Variants in CYRIB observed in about 807,000 individuals in gnomAD.
CYRIB encodes the protein CYFIP related Rac1 interactor B.
A neutral mutation model predicts 44.2 loss-of-function variants in CYRIB; 8 were observed. The observed-to-expected ratio is 0.18, with a 90% CI of 0.11 to 0.33. CYRIB has a LOEUF of 0.33. CYRIB is among the 10% of genes least tolerant of loss of function. The pLI is 1.00. For missense variants in CYRIB, 185 were observed against 382.8 expected (o/e 0.48, Z 4.31); for synonymous variants, 131 against 127.2 (o/e 1.03, Z -0.20).
chr8:129,870,667 G>A lies in CYRIB; in HGVS notation c.195+708C>T, dbSNP rs115580916. ...GACAATAATAAACAAAACAGAGGAT[G>A]GGAAGAATCAAGAAACACAGCACGG... On this transcript the variant is annotated intron_variant, in intron 4 of 11. Transcript: ENST00000519824. Among the ~76,000 whole-genome samples, 1,032 of 152,258 alleles carry A rather than the reference G, an allele frequency of 6.8e-3. 14 individuals carry two copies. Among genetic ancestry groups the A allele is most frequent in the African/African-American group, 0.024 (999 of 41,548 alleles).
upstream of CYRIB, among the ~76,000 whole-genome samples, chr8:129,941,971 G>C (rs192587421): frequency 2.0e-5 from 3 of 152,258 alleles, no homozygotes; most frequent in East Asian, 5.8e-4. Context: ...TTTCTCTATG[G>C]AGAGCAATAT....
At chr8:129,966,377 A>C (rs1251345656) in intron 2 of CYRIB, among the ~76,000 whole-genome samples, 1 of 152,178 alleles carries the variant, frequency 6.6e-6, no homozygotes, top group South Asian at 2.1e-4. Flanking sequence ...ACTAATTTTC[A>C]CTCTCATCAG....
chr8:129,926,736 G>C (rs943809072), intron 1 of CYRIB, among the ~76,000 whole-genome samples: 8 of 152,116 alleles, frequency 5.3e-5, no homozygotes, highest in African/African-American at 1.9e-4. Flanking sequence ...GAACAAAGGT[G>C]GCTATTTCTT....
In CYRIB at chr8:129,980,433, T is replaced by C. The variant is rs143453358; in HGVS notation, c.-295-9438A>G. 1.1e-3 allele frequency among the ~76,000 whole-genome samples: 170 copies of C among 152,230 alleles called. 1 individual carries two copies. The highest frequency in any genetic ancestry group is 3.9e-3 in the African/African-American group (160 of 41,558). ...CAATCATCTGTTTAAACCAATAACA[T>C]TAATTATTACTGTGTATTTTAATAC... On this transcript the variant is annotated intron_variant, in intron 1 of 14. Coordinates refer to the CYRIB transcript ENST00000401979.
intron 1 of CYRIB, among the ~76,000 whole-genome samples, chr8:129,923,736 T>C (rs2085373572): frequency 6.6e-6 from 1 of 152,024 alleles, no homozygotes; most frequent in South Asian, 2.1e-4. Flanking sequence ...ACCATTTATG[T>C]ACTAAACTCC....
intron 1 of CYRIB, among the ~76,000 whole-genome samples, chr8:130,006,804 T>C (rs1237224797): frequency 1.3e-5 from 2 of 149,674 alleles, no homozygotes; most frequent in East Asian, 3.9e-4. Flanking sequence ...AGGTCACATA[T>C]AGAAAATGGG....
At chr8:129,912,371 C>T (rs1018257415) in intron 1 of CYRIB, 3 of 152,144 alleles carry the variant, frequency 2.0e-5, no homozygotes, top group Admixed American at 1.3e-4. Flanking sequence ...TGCTTCACCA[C>T]TCCCCCAGTA....
rs544397366 is a variant in CYRIB, at chr8:130,015,190, C to T, written c.-296+1180G>A. 2.6e-5 allele frequency among the ~76,000 whole-genome samples: 4 copies of T among 152,246 alleles called. No homozygotes were observed. The South Asian group carries it at 8.3e-4, about 32-fold the overall frequency. On this transcript the variant is annotated intron_variant, in intron 1 of 14. Coordinates refer to the CYRIB transcript ENST00000401979. ...GATGGATGTTACAGGGCAAGGAAGC[C>T]AAAATGTGGAAGCACACCGACTCAC... is the stretch of plus-strand genomic sequence containing the variant.
intron 1 of CYRIB, among the ~76,000 whole-genome samples, chr8:129,938,597 T>C (rs1404769661): frequency 6.6e-6 from 1 of 152,194 alleles, no homozygotes; most frequent in East Asian, 1.9e-4. Flanking sequence ...ATTTCATCAG[T>C]ATTCCGCACA....
intron 1 of CYRIB, among the ~76,000 whole-genome samples, chr8:129,936,841 G>C (rs1403749894): frequency 6.6e-6 from 1 of 151,634 alleles, no homozygotes; most frequent in African/African-American, 2.4e-5. Context: ...TGAGTAGCTG[G>C]GACTACAGGC....
Position 130,011,633 on chromosome 8 carries a change from C to G in CYRIB, c.-296+4737G>C, listed in dbSNP as rs559660728. Among the ~76,000 whole-genome samples, 13 of 150,848 alleles carry G rather than the reference C, an allele frequency of 8.6e-5. No individual in the cohort carries two copies. In the Admixed American group the frequency reaches 8.6e-4, roughly 10 times the overall value. On this transcript the variant is annotated intron_variant, in intron 1 of 14. Coordinates refer to the CYRIB transcript ENST00000401979. ...CAGATTGAGACCATCCTAGCAAACACGGTAAAACCCCATCTCTACTAAAAA... is the reference window on the plus strand; with the variant it reads ...CAGATTGAGACCATCCTAGCAAACAGGGTAAAACCCCATCTCTACTAAAAA...
intron 1 of CYRIB, among the ~76,000 whole-genome samples, chr8:129,988,258 G>C (rs1408846154): frequency 2.0e-5 from 3 of 152,152 alleles, no homozygotes; most frequent in Non-Finnish European, 4.4e-5. Flanking sequence ...TCTTCCGGCC[G>C]GCTCTCTTCC....
At chr8:129,970,564 T>C (rs1213210419) in intron 2 of CYRIB, 1 of 152,148 alleles carries the variant, frequency 6.6e-6, no homozygotes, top group Non-Finnish European at 1.5e-5. Flanking sequence ...ATTTTGTATT[T>C]TTAGTAGAGA....
In CYRIB at chr8:129,920,037, T is replaced by C. The variant is rs550637655; in HGVS notation, c.-49-16687A>G. Among the ~76,000 whole-genome samples, 4 of 150,378 alleles carry C rather than the reference T, an allele frequency of 2.7e-5. No homozygotes were observed. The South Asian group carries it at 8.4e-4, about 32-fold the overall frequency. ...CTATTTATTGGATAGCTTATATAATTCCAAATTTGGACTATCAAGTCTGAA... is the reference window on the plus strand; with the variant it reads ...CTATTTATTGGATAGCTTATATAATCCCAAATTTGGACTATCAAGTCTGAA... On this transcript the variant is annotated intron_variant, in intron 1 of 11. Transcript: ENST00000519824.
intron 1 of CYRIB, among the ~76,000 whole-genome samples, chr8:129,915,568 G>C (rs894405634): frequency 1.3e-4 from 20 of 152,158 alleles, no homozygotes; most frequent in African/African-American, 4.3e-4. Context: ...AGGTAGGGTG[G>C]ATAGATTTGA....
At chr8:129,965,567 C>T (rs1591331868) in intron 2 of CYRIB, among the ~76,000 whole-genome samples, 1 of 152,096 alleles carries the variant, frequency 6.6e-6, no homozygotes, top group Non-Finnish European at 1.5e-5. Context: ...GAGGCCGAGG[C>T]GGGCGGATCA....
At chr8:129,911,195 T>C (rs1466150550) in intron 1 of CYRIB, among the ~76,000 whole-genome samples, 2 of 152,226 alleles carry the variant, frequency 1.3e-5, no homozygotes, top group African/African-American at 4.8e-5. Context: ...TTAGACACTG[T>C]ACTGCATGAT....
At chr8:129,896,768 G>A (rs2068273593) in intron 2 of CYRIB, 1 of 152,206 alleles carries the variant, frequency 6.6e-6, no homozygotes, top group Admixed American at 6.5e-5. Context: ...AACAGGCCTT[G>A]TGGCAGTGAA....
chr8:129,965,456 A>G (rs1769203788), intron 2 of CYRIB, among the ~76,000 whole-genome samples: 1 of 152,170 alleles, frequency 6.6e-6, no homozygotes, highest in Non-Finnish European at 1.5e-5. Context: ...CCTTCTTAGC[A>G]GATATGACCT....
Sources: gnomAD v4.1 joint callset for allele counts (sites outside exome capture counted in the v4.1 genomes callset) on GRCh38, gnomAD v4.1.1 for gene constraint, MANE v1.5 for transcripts, NCBI Gene and HGNC (gene_info 2026-07-23, HGNC 2026-07-21) for gene names.